The following CHST11 variants were observed in gnomAD, a reference collection of about 807,000 sequenced individuals.
The protein encoded by CHST11 is C4S-1.
A neutral mutation model predicts 30.4 loss-of-function variants in CHST11; 9 were observed. The observed-to-expected ratio is 0.30, with a 90% confidence interval of 0.18 to 0.52. The LOEUF is 0.52. Among genes scored for constraint, CHST11 ranks in the 20% least tolerant of loss-of-function variants. The pLI is 0.97. For missense variants in CHST11, 348 were observed against 460.6 expected, an observed-to-expected ratio of 0.76 and a Z score of 2.24; for synonymous variants, 152 against 187.8, an observed-to-expected ratio of 0.81 and a Z score of 1.56.
At chr12:104,504,001 A>G (rs1385194520) in intron 1 of CHST11, among the ~76,000 whole-genome samples, 1 of 152,210 alleles carries the variant, frequency 6.6e-6, no homozygotes, top group Non-Finnish European at 1.5e-5. Context: ...GAGATGTAAA[A>G]TGCCTCAAAA....
intron 1 of CHST11, among the ~76,000 whole-genome samples, chr12:104,481,846 C>A (rs1593959859): frequency 1.2e-5 from 1 of 84,124 alleles, no homozygotes; most frequent in East Asian, 2.7e-4. Flanking sequence ...CTTTCTCTTG[C>A]ATTTTTTTTT....
At chr12:104,679,459 C>A (rs913366858) in intron 2 of CHST11, among the ~76,000 whole-genome samples, 1 of 152,180 alleles carries the variant, frequency 6.6e-6, no homozygotes, top group African/African-American at 2.4e-5. Flanking sequence ...CGCAGTCTCC[C>A]TTGAGCAGAA....
intron 1 of CHST11, among the ~76,000 whole-genome samples, chr12:104,475,691 T>TATATATATA (rs6144846): frequency 3.1e-5 from 4 of 127,796 alleles, no homozygotes; most frequent in East Asian, 2.2e-4. Flanking sequence ...TATATATATA[T>TATATATATA]TTCTGATTAT....
intron 1 of CHST11, among the ~76,000 whole-genome samples, chr12:104,459,976 A>C (rs2037391567): frequency 6.6e-6 from 1 of 152,258 alleles, no homozygotes; most frequent in Non-Finnish European, 1.5e-5. Flanking sequence ...ACAGTTTATC[A>C]TTACACGGGG....
chr12:104,614,909 C>T (rs2039095011), intron 2 of CHST11, among the ~76,000 whole-genome samples: 1 of 152,110 alleles, frequency 6.6e-6, no homozygotes, highest in South Asian at 2.1e-4. Flanking sequence ...AGGCGTTCTC[C>T]ATCCACACCC....
chr12:104,634,555 C>T (rs1230638930), intron 2 of CHST11, among the ~76,000 whole-genome samples: 1 of 152,236 alleles, frequency 6.6e-6, no homozygotes, highest in Non-Finnish European at 1.5e-5. Flanking sequence ...CAAACCGCTC[C>T]TCGAGGGTCT....
At chr12:104,723,427 G>A (rs904403868) in intron 2 of CHST11, among the ~76,000 whole-genome samples, 4 of 152,204 alleles carry the variant, frequency 2.6e-5, no homozygotes, top group African/African-American at 4.8e-5. Flanking sequence ...TAACCCTGAA[G>A]GCTTGTTCAA....
chr12:104,611,012 A>G (rs542369708), intron 2 of CHST11, among the ~76,000 whole-genome samples: 1 of 152,336 alleles, frequency 6.6e-6, no homozygotes, highest in East Asian at 1.9e-4. Context: ...CTCCTCCAGG[A>G]AGCTCTGATT....
At chr12:104,477,977 A>G (rs1565955713) in intron 1 of CHST11, among the ~76,000 whole-genome samples, 1 of 152,166 alleles carries the variant, frequency 6.6e-6, no homozygotes. Flanking sequence ...CATGTCTCCT[A>G]TGACTCTAAG....
chr12:104,632,824 A>G (rs1357880101), intron 2 of CHST11, among the ~76,000 whole-genome samples: 2 of 152,200 alleles, frequency 1.3e-5, no homozygotes, highest in Non-Finnish European at 1.5e-5. Flanking sequence ...GCCCACAGAC[A>G]CCACACTGGT....
chr12:104,659,058 G>A (rs1177774864), intron 2 of CHST11, among the ~76,000 whole-genome samples: 5 of 152,200 alleles, frequency 3.3e-5, no homozygotes, highest in Non-Finnish European at 5.9e-5. Flanking sequence ...CTCCCAAAAC[G>A]TTCTCTCACT....
At chr12:104,576,526 GGC>G in intron 1 of CHST11, among the ~76,000 whole-genome samples, 1 of 152,226 alleles carries the variant, frequency 6.6e-6, no homozygotes, top group South Asian at 2.1e-4. Context: ...CTTGGTCAGG[GGC>G]CTCACAGAAC....
At chr12:104,571,938 T>C (rs531881154) in intron 1 of CHST11, among the ~76,000 whole-genome samples, 2 of 152,406 alleles carry the variant, frequency 1.3e-5, no homozygotes, top group South Asian at 2.1e-4. Context: ...TGTTGAATTT[T>C]GTCAAAGGCC....
At chr12:104,679,586 G>T (rs1196357107) in intron 2 of CHST11, among the ~76,000 whole-genome samples, 4 of 152,306 alleles carry the variant, frequency 2.6e-5, no homozygotes, top group African/African-American at 7.2e-5. Context: ...CCAGCAGCTG[G>T]TGAGGGGGGC....
intron 2 of CHST11, among the ~76,000 whole-genome samples, chr12:104,666,059 T>C (rs527479300): frequency 2.2e-4 from 33 of 152,002 alleles, no homozygotes; most frequent in African/African-American, 2.9e-4. Context: ...ACCTCATGAT[T>C]CGCCCGCCTC....
chr12:104,471,693 A>C (rs183540028), intron 1 of CHST11, among the ~76,000 whole-genome samples: 28 of 152,346 alleles, frequency 1.8e-4, no homozygotes, highest in African/African-American at 6.3e-4. Context: ...GAAAAAAGTG[A>C]AAAGAAACAG....
At chr12:104,689,758 A>G (rs1279512710) in intron 2 of CHST11, among the ~76,000 whole-genome samples, 1 of 152,154 alleles carries the variant, frequency 6.6e-6, no homozygotes, top group African/African-American at 2.4e-5. Flanking sequence ...AGCCTAACAC[A>G]GGCACTGTCT....
intron 1 of CHST11, among the ~76,000 whole-genome samples, chr12:104,561,479 C>T (rs1000650843): frequency 6.6e-6 from 1 of 152,182 alleles, no homozygotes; most frequent in Non-Finnish European, 1.5e-5. Context: ...TAGGTACCAG[C>T]GTGCCTGACT....
rs1032972425 is a variant in CHST11, at chr12:104,760,179, C to T, written c.*2376C>T. 6.6e-6 allele frequency: 1 copy of T among 151,944 alleles called. No homozygotes were observed. Among genetic ancestry groups the T allele is most frequent in the African/African-American group, 2.4e-5 (1 of 41,362 alleles). 9.4% of individuals were successfully genotyped at this position (151,944 alleles called of 1,614,324 possible). On this transcript the variant is annotated 3_prime_UTR_variant, in exon 3 of 3. Transcript: ENST00000303694. Reference sequence around the variant, plus strand: ...TCACCCCACAGAGCTAGGGTTCCACCGAGTATACTTTGCTTAGGTTGACTT... The same window carrying T: ...TCACCCCACAGAGCTAGGGTTCCACTGAGTATACTTTGCTTAGGTTGACTT...
Sources: gnomAD v4.1 joint callset for allele counts (sites outside exome capture counted in the v4.1 genomes callset) on GRCh38, gnomAD v4.1.1 for gene constraint, MANE v1.5 for transcripts, NCBI Gene and HGNC (gene_info 2026-07-23, HGNC 2026-07-21) for gene names.